The following MRC1 variants were observed in gnomAD, a reference collection of about 807,000 sequenced individuals.
MRC1 encodes macrophage mannose receptor 1.
In MRC1, 62 loss-of-function variants were observed where a neutral mutation model predicts 102.9. That is an observed-to-expected ratio of 0.60 (90% CI 0.49 to 0.74). The LOEUF is 0.74. Ranked by LOEUF, MRC1 falls within the 30% of genes least tolerant of loss-of-function variation. The probability of loss-of-function intolerance (pLI) is 0.00; values close to 1 mark genes in which losing one functional copy is unlikely to be tolerated. For missense variants in MRC1, 1,237 were observed against 862.8 expected (o/e 1.43, Z -5.43); for synonymous variants, 457 against 298.4 (o/e 1.53, Z -5.48).
At position 17,910,829 on chromosome 10, in the gene MRC1, A is replaced by C. The variant is rs1243026349; in HGVS notation, c.*364A>C. 1 of 228,548 alleles carries C rather than the reference A, an allele frequency of 4.4e-6. No individual in the cohort carries two copies. The highest frequency in any genetic ancestry group is 8.7e-6 in the Non-Finnish European group (1 of 115,512). The allele number at this position is 228,548 out of a possible 1,614,324, so 14.2% of individuals were successfully genotyped here. A position where few individuals can be genotyped will look rare whatever the true frequency, so the allele number is the denominator to read the frequency against. On this transcript the variant is annotated 3_prime_UTR_variant, in exon 30 of 30. Coordinates refer to ENST00000569591, the MANE Select transcript of MRC1 (RefSeq NM_002438.4). The stretch of plus-strand genomic sequence containing the variant: ...AAGGAGCTCCCAAAATGTGTTACCT[A>C]TTAAATTGTAACTCAGCAAGTAGAA...
chr10:17,839,525 T>C (rs557260139), intron 4 of MRC1, among the ~76,000 whole-genome samples: 2 of 151,928 alleles, frequency 1.3e-5, no homozygotes, highest in Admixed American at 1.3e-4. Flanking sequence ...TTTTTGAAGG[T>C]TGTTGAGTAC....
At chr10:17,814,103 CA>C (rs1249065809) in intron 1 of MRC1, among the ~76,000 whole-genome samples, 1 of 152,098 alleles carries the variant, frequency 6.6e-6, no homozygotes, top group Non-Finnish European at 1.5e-5. Context: ...TCCCATAAAG[CA>C]GATGGGAAGA....
In MRC1 at chr10:17,870,948, A is replaced by G. The variant is rs1833347055; in HGVS notation, c.2199+13A>G. ...TGATGGTTCTCCTGTGAGTAATTTTACTTACTATATAACTTTCTTACTTTA... is the reference window on the plus strand; with the variant it reads ...TGATGGTTCTCCTGTGAGTAATTTTGCTTACTATATAACTTTCTTACTTTA... On this transcript the variant is annotated intron_variant, in intron 14 of 29. Transcript: ENST00000569591. 5.7e-6 allele frequency: 5 copies of G among 870,930 alleles called. No homozygotes were observed. Among genetic ancestry groups the G allele is most frequent in the South Asian group, 3.9e-5 (3 of 76,464 alleles). The allele number at this position is 870,930 out of a possible 1,614,324, so 54.0% of individuals were successfully genotyped here. A position where few individuals can be genotyped will look rare whatever the true frequency, so the allele number is the denominator to read the frequency against.
chr10:17,861,496 A>G lies in MRC1; in HGVS notation c.1628A>G (p.Glu543Gly). 1 of 868,978 alleles carries G rather than the reference A, an allele frequency of 1.2e-6. No individual in the cohort carries two copies. Among genetic ancestry groups the G allele is most frequent in the Admixed American group, 1.7e-5 (1 of 59,060 alleles). The allele number at this position is 868,978 out of a possible 1,614,324, so 53.8% of individuals were successfully genotyped here. ...NNENAYLTTI[E>G]DRYEQAFLTS... is the part of the protein sequence containing the mutation. ...GAGAATGCTTATTTAACAACTATTGAAGACAGGTATGTAACTATTTTAATT... is the reference window on the plus strand; with the variant it reads ...GAGAATGCTTATTTAACAACTATTGGAGACAGGTATGTAACTATTTTAATT... The change falls in exon 10 of 30, where the codon GAA becomes GGA. Residue 543 changes from glutamate (E) to glycine (G), a missense_variant. By Grantham distance (98) the Glu-to-Gly change is moderately conservative. Transcript: ENST00000569591.
At chr10:17,880,386 C>G in intron 19 of MRC1, 139 bp from the exon 20 acceptor site, 1 of 697,030 alleles carries the variant, frequency 1.4e-6, no homozygotes, top group Non-Finnish European at 2.6e-6. Flanking sequence ...ATGGATACCT[C>G]TAGTCACATA....
chr10:17,894,116 G>A lies in MRC1; in HGVS notation c.3148-94G>A. Reference sequence around the variant, plus strand: ...GGACAATCTTAAAATTTGGAAATCAGGGATAATGAAAGATTTTTTTGCTTA... The same window carrying A: ...GGACAATCTTAAAATTTGGAAATCAAGGATAATGAAAGATTTTTTTGCTTA... On this transcript the variant is annotated intron_variant, in intron 22 of 29. Coordinates refer to ENST00000569591, the MANE Select transcript of MRC1 (RefSeq NM_002438.4). 3.7e-6 allele frequency: 3 copies of A among 821,188 alleles called. No homozygotes were observed. In the Admixed American group the frequency reaches 5.2e-5, roughly 14 times the overall value. The allele number at this position is 821,188 out of a possible 1,614,324, so 50.9% of individuals were successfully genotyped here. A position where few individuals can be genotyped will look rare whatever the true frequency, so the allele number is the denominator to read the frequency against.
In MRC1 at chr10:17,827,548, A is replaced by G; in HGVS notation, c.470A>G (p.Tyr157Cys). 1.3e-6 allele frequency: 1 copy of G among 780,842 alleles called. No individual in the cohort carries two copies. The highest frequency in any genetic ancestry group is 1.7e-5 in the Admixed American group (1 of 59,026). 48.4% of individuals were successfully genotyped at this position (780,842 alleles called of 1,614,324 possible). A position where few individuals can be genotyped will look rare whatever the true frequency, so the allele number is the denominator to read the frequency against. ...NLCSRGYEAM[Y>C]TLLGNANGAT... ...AGTCAATATGTTTTTCCAGCCATGT[A>G]TACGCTACTAGGCAATGCCAATGGA... is the stretch of plus-strand genomic sequence containing the variant. Residue 157 changes from tyrosine (Y) to cysteine (C), a missense_variant, in exon 3 of 30, where the codon TAT (tyrosine) becomes TGT (cysteine). By Grantham distance (194) the Tyr-to-Cys change is radical (BLOSUM62 -2). Transcript: ENST00000569591.
rs1488585346 is a variant in MRC1 at position 17,906,867 on chromosome 10, A to G, written c.3800-19A>G. ...ACTTAAATGTGCAGCTATCATATTT[A>G]TCCTTTTACGCTTTCTAGGTTCCTC... On this transcript the variant is annotated intron_variant, in intron 26 of 29. Transcript: ENST00000569591. 1 of 780,662 alleles carries G rather than the reference A, an allele frequency of 1.3e-6. No homozygotes were observed. Among genetic ancestry groups the G allele is most frequent in the Non-Finnish European group, 2.4e-6 (1 of 417,952 alleles). The allele number at this position is 780,662 out of a possible 1,614,324, so 48.4% of individuals were successfully genotyped here.
At chr10:17,848,705 A>T (rs920287312) in intron 6 of MRC1, among the ~76,000 whole-genome samples, 2 of 152,162 alleles carry the variant, frequency 1.3e-5, no homozygotes, top group Admixed American at 1.3e-4. Flanking sequence ...ACTCCTTTTC[A>T]TGTGATGTGA....
At position 17,823,117 on chromosome 10, in the gene MRC1, C is replaced by T. The variant is rs1407613157; in HGVS notation, c.105C>T (p.Cys35=). Residue 35 remains cysteine (C), a synonymous_variant, in exon 2 of 30, where the codon TGC becomes TGT. Transcript: ENST00000569591. ...FLIYNEDHKR[C]VDAVSPSAVQ... is the part of the protein sequence containing the mutation. ...TCTATAATGAAGATCACAAGCGCTG[C>T]GTGGATGCAGTGAGTCCCAGTGCCG... is the stretch of plus-strand genomic sequence containing the variant. 2.7e-5 allele frequency: 21 copies of T among 780,746 alleles called. No individual in the cohort carries two copies. The highest frequency in any genetic ancestry group is 4.3e-5 in the Non-Finnish European group (18 of 417,968). 48.4% of individuals were successfully genotyped at this position (780,746 alleles called of 1,614,324 possible).
At chr10:17,884,530 C>T (rs1397714787) in intron 21 of MRC1, among the ~76,000 whole-genome samples, 2 of 152,170 alleles carry the variant, frequency 1.3e-5, no homozygotes, top group African/African-American at 4.8e-5. Flanking sequence ...GCTGGGGAGG[C>T]CTCAGGAAGT....
At chr10:17,866,030 T>G (rs1466444972) in intron 11 of MRC1, among the ~76,000 whole-genome samples, 1 of 152,218 alleles carries the variant, frequency 6.6e-6, no homozygotes, top group African/African-American at 2.4e-5. Flanking sequence ...TATGTACTTC[T>G]TTGTTCGTTA....
Position 17,879,312 on chromosome 10 carries a change from C to T in MRC1, c.2619-409C>T, listed in dbSNP as rs924159352. 2.6e-4 allele frequency among the ~76,000 whole-genome samples: 39 copies of T among 152,258 alleles called. No individual in the cohort carries two copies. The East Asian group carries it at 2.9e-3, about 11-fold the overall frequency. On this transcript the variant is annotated intron_variant, in intron 18 of 29. Coordinates refer to ENST00000569591, the MANE Select transcript of MRC1 (RefSeq NM_002438.4). Reference sequence around the variant, plus strand: ...TTCCTGCCACTCTCTGGAGGTCTCCCTCTTCTGGGTTGACTTGTCCTGTCC... The same window carrying T: ...TTCCTGCCACTCTCTGGAGGTCTCCTTCTTCTGGGTTGACTTGTCCTGTCC...
chr10:17,903,392 CTTTTTTTTTTTT>C (rs35118275), intron 26 of MRC1, among the ~76,000 whole-genome samples: 3 of 88,862 alleles, frequency 3.4e-5, no homozygotes, highest in East Asian at 2.9e-4. Context: ...CTTTTTTTTT[CTTTTTTTTTTTT>C]TTTTTTTTTG....
At chr10:17,833,570 G>T in intron 3 of MRC1, 105 bp from the exon 4 acceptor site, 2 of 691,748 alleles carry the variant, frequency 2.9e-6, no homozygotes, top group Non-Finnish European at 5.3e-6. Context: ...AGGAAAGAAA[G>T]AAAGTGCTTC....
At position 17,845,417 on chromosome 10, in the gene MRC1, T is replaced by G; in HGVS notation, c.1045T>G (p.Ser349Ala). Residue 349 changes from serine to alanine, a missense_variant, in exon 6 of 30, where the codon TCT becomes GCT. Coordinates refer to ENST00000569591, the MANE Select transcript of MRC1 (RefSeq NM_002438.4). ...CAAAAAGGGCAACACCACTTTAAAT[T>G]CTTTTGTTATTCCCTCAGGTAAGTG... ...ICKKGNTTLN[S>A]FVIPSESDVP... 1 of 780,874 alleles carries G rather than the reference T, an allele frequency of 1.3e-6. No individual in the cohort carries two copies. The highest frequency in any genetic ancestry group is 1.7e-5 in the Admixed American group (1 of 59,040). The allele number at this position is 780,874 out of a possible 1,614,324, so 48.4% of individuals were successfully genotyped here.
At chr10:17,851,793 T>C (rs2130645558) in intron 7 of MRC1, among the ~76,000 whole-genome samples, 1 of 152,314 alleles carries the variant, frequency 6.6e-6, no homozygotes, top group East Asian at 1.9e-4. Flanking sequence ...TGTCATTCAT[T>C]CTCCACGGCA....
At chr10:17,889,500 G>A (rs1016700834) in intron 22 of MRC1, among the ~76,000 whole-genome samples, 28 of 151,870 alleles carry the variant, frequency 1.8e-4, no homozygotes, top group Admixed American at 2.6e-4. Flanking sequence ...TCTTGGGCTC[G>A]GGCAATCCTC....
At position 17,818,294 on chromosome 10, in the gene MRC1, C is replaced by T. The variant is rs183992955; in HGVS notation, c.62-4780C>T. On this transcript the variant is annotated intron_variant, in intron 1 of 29. Coordinates refer to ENST00000569591, the MANE Select transcript of MRC1 (RefSeq NM_002438.4). ...CTTAATAAACATTCTTTCATTCATT[C>T]AACTAATTATTTGTTGAGAGATTAT... 6.5e-3 allele frequency among the ~76,000 whole-genome samples: 992 copies of T among 152,260 alleles called. 17 individuals are homozygous for T. The highest frequency in any genetic ancestry group is 0.065 in the Middle Eastern group (19 of 294).
Sources: gnomAD v4.1 joint callset for allele counts (sites outside exome capture counted in the v4.1 genomes callset) on GRCh38, gnomAD v4.1.1 for gene constraint, MANE v1.5 for transcripts, NCBI Gene and HGNC (gene_info 2026-07-23, HGNC 2026-07-21) for gene names.